Variants in HK2 observed in about 807,000 individuals in gnomAD.
HK2 encodes the protein hexokinase 2, also known as hexokinase-2.
Under a neutral mutation model 92.9 loss-of-function variants are expected in HK2, and 42 were observed. That is an observed-to-expected ratio of 0.45 (90% confidence interval 0.35 to 0.58). The LOEUF is 0.58. Among genes scored for constraint, HK2 ranks in the 20% least tolerant of loss-of-function variants. HK2 has a pLI of 0.00. For synonymous variants in HK2, 422 were observed against 468.0 expected (o/e 0.90, Z 1.27); for missense variants, 978 against 1,245.1 (o/e 0.79, Z 3.23).
intron 3 of HK2, among the ~76,000 whole-genome samples, chr2:74,871,183 C>T (rs1250549998): frequency 2.0e-5 from 3 of 152,202 alleles, no homozygotes; most frequent in African/African-American, 4.8e-5. Flanking sequence ...TCTGTGGGGG[C>T]GGGCCTAGAC....
chr2:74,863,175 A>G (rs1040369177), intron 2 of HK2, among the ~76,000 whole-genome samples: 3 of 152,236 alleles, frequency 2.0e-5, no homozygotes, highest in African/African-American at 7.2e-5. Flanking sequence ...AGAGTGGTGC[A>G]TTCCAAGAGG....
rs61751209 is a variant in HK2 at position 74,877,283 on chromosome 2, C to T, written c.993C>T (p.Thr331=). ...GGKLSPELLN[T]GRFETKDISD... Reference sequence around the variant, plus strand: ...AGCTCAGCCCAGAGCTTCTCAACACCGGTCGCTTTGAGACCAAAGACATCT... The same window carrying T: ...AGCTCAGCCCAGAGCTTCTCAACACTGGTCGCTTTGAGACCAAAGACATCT... The change falls in exon 8 of 18, where the codon ACC becomes ACT. Residue 331 remains threonine (T), a synonymous_variant. Coordinates refer to ENST00000290573, the MANE Select transcript of HK2 (RefSeq NM_000189.5). 12,871 of 1,614,152 alleles carry T rather than the reference C, an allele frequency of 8.0e-3. 108 individuals carry two copies. Among genetic ancestry groups the T allele is most frequent in the South Asian group, 0.018 (1,670 of 91,088 alleles).
chr2:74,834,745 C>A lies in HK2; in HGVS notation c.63+102C>A, dbSNP rs955769651. On this transcript the variant is annotated intron_variant, in intron 1 of 17. Coordinates refer to ENST00000290573, the MANE Select transcript of HK2 (RefSeq NM_000189.5). The surrounding 1 kb of genome is among the most constrained non-coding windows in gnomAD (Gnocchi z 4.2). The stretch of plus-strand genomic sequence containing the variant: ...TGCGGGGACCCGCTTCCTCCCTACT[C>A]CGGGCCTGGGAGCGGAAAAAGTTTG... 9.5e-6 allele frequency: 13 copies of A among 1,365,318 alleles called. No individual in the cohort carries two copies. In the East Asian group the frequency reaches 3.0e-4, roughly 32 times the overall value. 84.6% of individuals were successfully genotyped at this position (1,365,318 alleles called of 1,614,324 possible).
chr2:74,843,441 C>T (rs1688363810), intron 1 of HK2, among the ~76,000 whole-genome samples: 1 of 152,150 alleles, frequency 6.6e-6, no homozygotes, highest in Non-Finnish European at 1.5e-5. Context: ...ATCTCATTTC[C>T]CCTAAAATGC....
In HK2 at chr2:74,851,254, G is replaced by A. The variant is rs1006202775; in HGVS notation, c.64-3039G>A. ...TAAAACGGAGGTGCAGAAGTTTTAC[G>A]AAGACAATGGAGAACAGGTCAGGAA... On this transcript the variant is annotated intron_variant, in intron 1 of 17. Transcript: ENST00000290573. Among the ~76,000 whole-genome samples the A allele has an allele frequency of 2.6e-5, 4 of 152,210 alleles. No individual in the cohort carries two copies. The East Asian group carries it at 7.7e-4, about 29-fold the overall frequency.
At chr2:74,882,605 T>TTTATATATATATATA (rs1553449959) in intron 12 of HK2, among the ~76,000 whole-genome samples, 3 of 75,660 alleles carry the variant, frequency 4.0e-5, no homozygotes, top group Admixed American at 1.2e-4. Flanking sequence ...TCTATTGAAC[T>TTTATATATATATATA]TATATATATA....
chr2:74,871,744 GA>G (rs1458915772), intron 3 of HK2, among the ~76,000 whole-genome samples: 1 of 152,136 alleles, frequency 6.6e-6, no homozygotes, highest in East Asian at 1.9e-4. Context: ...CTAGAATGGA[GA>G]AAAAAATATA....
At chr2:74,836,488 A>T (rs1573347065) in intron 1 of HK2, among the ~76,000 whole-genome samples, 1 of 152,256 alleles carries the variant, frequency 6.6e-6, no homozygotes, top group Admixed American at 6.5e-5. Context: ...CAATAATAAC[A>T]GTAGGCTTGT....
intron 2 of HK2, among the ~76,000 whole-genome samples, chr2:74,856,691 C>T (rs1688704317): frequency 1.3e-5 from 2 of 152,144 alleles, no homozygotes; most frequent in South Asian, 4.1e-4. Context: ...CAAATTTTAT[C>T]CACAATTTTT....
At chr2:74,888,295 A>G (rs1689590393) in intron 16 of HK2, among the ~76,000 whole-genome samples, 1 of 152,250 alleles carries the variant, frequency 6.6e-6, no homozygotes, top group African/African-American at 2.4e-5. Context: ...ATGCAAAGTG[A>G]TATTGTTGGG....
chr2:74,846,161 T>C (rs568975149), intron 1 of HK2, among the ~76,000 whole-genome samples: 2 of 152,382 alleles, frequency 1.3e-5, no homozygotes, highest in Non-Finnish European at 2.9e-5. Context: ...GAAATTAAGT[T>C]GCAAGCATGT....
intron 9 of HK2, among the ~76,000 whole-genome samples, chr2:74,879,335 T>C (rs1224997170): frequency 6.6e-6 from 1 of 152,212 alleles, no homozygotes; most frequent in African/African-American, 2.4e-5. Flanking sequence ...TCCTGCCCTG[T>C]CCACATTTTG....
intron 1 of HK2, among the ~76,000 whole-genome samples, chr2:74,850,869 G>T (rs923209023): frequency 1.3e-5 from 2 of 152,098 alleles, no homozygotes; most frequent in South Asian, 2.1e-4. Context: ...TTCCTGAGTG[G>T]CCCTAATAAG....
At chr2:74,855,523 C>T (rs775262126) in intron 2 of HK2, among the ~76,000 whole-genome samples, 7 of 152,160 alleles carry the variant, frequency 4.6e-5, no homozygotes, top group Non-Finnish European at 5.9e-5. Context: ...GCGTGGCTAC[C>T]GCACCCAGCC....
At chr2:74,853,535 AC>A (rs1477264085) in intron 1 of HK2, among the ~76,000 whole-genome samples, 7 of 150,330 alleles carry the variant, frequency 4.7e-5, no homozygotes, top group Non-Finnish European at 8.9e-5. Flanking sequence ...AACAACAACA[AC>A]AACAACAACA....
rs554907549 is a variant in HK2 at position 74,867,898 on chromosome 2, C to A, written c.375+114C>A. ...TGGATAGGCAGTCACCCAAGACACT[C>A]ATGGATGCCAGCACAGCTGTAAGGG... On this transcript the variant is annotated intron_variant, in intron 3 of 17. Transcript: ENST00000290573. 44 of 1,210,722 alleles carry A rather than the reference C, an allele frequency of 3.6e-5. No homozygotes were observed. The African/African-American group carries it at 6.4e-4, about 18-fold the overall frequency. 75.0% of individuals were successfully genotyped at this position (1,210,722 alleles called of 1,614,324 possible).
In HK2 at chr2:74,882,174, A is replaced by G; in HGVS notation, c.1774A>G (p.Lys592Glu). 1.2e-6 allele frequency: 2 copies of G among 1,614,150 alleles called. No homozygotes were observed. Among genetic ancestry groups the G allele is most frequent in the Non-Finnish European group, 1.7e-6 (2 of 1,179,992 alleles). ...IADFLEYMGM[K>E]GVSLPLGFTF... is the part of the protein sequence containing the mutation. Reference sequence around the variant, plus strand: ...GGACTTCCTCGAGTACATGGGCATGAAGGGCGTGTCCCTGCCTCTGGGTTT... The same window carrying G: ...GGACTTCCTCGAGTACATGGGCATGGAGGGCGTGTCCCTGCCTCTGGGTTT... The change falls in exon 12 of 18, where the codon AAG (lysine) becomes GAG (glutamate). Residue 592 changes from lysine to glutamate, a missense_variant. By Grantham distance (56) the Lys-to-Glu change is moderately conservative (BLOSUM62 1). Coordinates refer to ENST00000290573, the MANE Select transcript of HK2 (RefSeq NM_000189.5).
At chr2:74,886,733 C>T in intron 15 of HK2, 60 bp downstream of exon 15, 2 of 1,545,668 alleles carry the variant, frequency 1.3e-6, no homozygotes, top group African/African-American at 1.4e-5. Flanking sequence ...AACAAGTGAT[C>T]AGAGCTTCCA....
intron 1 of HK2, among the ~76,000 whole-genome samples, chr2:74,850,739 T>G (rs904028627): frequency 2.0e-5 from 3 of 152,188 alleles, no homozygotes; most frequent in Non-Finnish European, 4.4e-5. Context: ...GTATGGTGGC[T>G]GCTTCTTGTT....
Sources: allele counts gnomAD v4.1 joint callset (sites outside exome capture counted in the v4.1 genomes callset), GRCh38; gene constraint gnomAD v4.1.1; non-coding constraint Gnocchi (gnomAD v3.1); transcripts MANE v1.5; gene names NCBI Gene and HGNC (gene_info 2026-07-23, HGNC 2026-07-21).